NSD1: variants seen among roughly 807,000 people sequenced by gnomAD.
The protein encoded by NSD1 is histone-lysine N-methyltransferase, H3 lysine-36 specific.
A neutral mutation model predicts 242.7 loss-of-function variants in NSD1; 26 were observed. The observed-to-expected ratio is 0.11, with a 90% CI of 0.08 to 0.15. The LOEUF (loss-of-function observed/expected upper bound fraction) is 0.15, where lower values mean the gene tolerates loss of function less well. Ranked by LOEUF, NSD1 falls within the 10% of genes least tolerant of loss-of-function variation. The probability of loss-of-function intolerance (pLI) is 1.00; values close to 1 mark genes in which losing one functional copy is unlikely to be tolerated. For missense variants in NSD1, 2,495 were observed against 3,272.8 expected (o/e 0.76, Z 5.80); for synonymous variants, 1,106 against 1,178.1 (o/e 0.94, Z 1.25).
intron 2 of NSD1, among the ~76,000 whole-genome samples, chr5:177,187,674 G>T (rs80201144): frequency 0.018 from 2,773 of 152,188 alleles, 33 homozygotes; most frequent in Non-Finnish European, 0.028. Context: ...CTGACCTCAG[G>T]CTTTCCTTGG....
chr5:177,288,798 T>C, intron 20 of NSD1, 21 bp from the exon 21 acceptor site: 1 of 1,521,730 alleles, frequency 6.6e-7, no homozygotes, highest in Non-Finnish European at 9.1e-7. Flanking sequence ...GATATTAATA[T>C]TTTCACGGTC....
In NSD1 at chr5:177,188,744, C is replaced by T. The variant is rs960612839; in HGVS notation, c.928-3140C>T. Among the ~76,000 whole-genome samples, 3 of 151,946 alleles carry T rather than the reference C, an allele frequency of 2.0e-5. No homozygotes were observed. The South Asian group carries it at 6.2e-4, about 32-fold the overall frequency. Reference sequence around the variant, plus strand: ...GCCAGGCTGGCCTTGAACGCCCAGCCTCGCCTCCTTATGCACCAGGACAAC... The same window carrying T: ...GCCAGGCTGGCCTTGAACGCCCAGCTTCGCCTCCTTATGCACCAGGACAAC... On this transcript the variant is annotated intron_variant, in intron 2 of 22. Transcript: ENST00000439151.
chr5:177,146,089 A>AT (rs570638215), intron 2 of NSD1, among the ~76,000 whole-genome samples: 31 of 152,004 alleles, frequency 2.0e-4, no homozygotes, highest in Non-Finnish European at 4.4e-4. Flanking sequence ...TTAAAAAAAA[A>AT]AAAGAATACA....
intron 5 of NSD1, among the ~76,000 whole-genome samples, chr5:177,216,391 A>G (rs1763774299): frequency 6.6e-6 from 1 of 151,928 alleles, no homozygotes; most frequent in Non-Finnish European, 1.5e-5. Flanking sequence ...TGGGTCTCAT[A>G]GCCAGGAAAT....
rs577073389 is a variant in NSD1 at position 177,289,303 on chromosome 5, A to G, written c.6258+378A>G. ...ACCACTGCACTCTAGCCTGGGCAAC[A>G]CAGCAAGACTCCTTCTCAAAAAAAA... On this transcript the variant is annotated intron_variant, in intron 21 of 22. Coordinates refer to ENST00000439151, the MANE Select transcript of NSD1 (RefSeq NM_022455.5). Among the ~76,000 whole-genome samples the G allele has an allele frequency of 3.3e-5, 5 of 152,042 alleles. No individual in the cohort carries two copies. In the South Asian group the frequency reaches 8.3e-4, roughly 25 times the overall value.
intron 2 of NSD1, among the ~76,000 whole-genome samples, chr5:177,140,749 G>C (rs1222441972): frequency 1.3e-5 from 2 of 152,226 alleles, no homozygotes; most frequent in Admixed American, 6.5e-5. Context: ...ATTTCAAAGG[G>C]AGAAAATTGG....
chr5:177,247,651 T>G (rs1450162956), intron 10 of NSD1, among the ~76,000 whole-genome samples: 1 of 152,078 alleles, frequency 6.6e-6, no homozygotes, highest in Non-Finnish European at 1.5e-5. Context: ...CTACTTAATC[T>G]TAGGACAATT....
In NSD1 at chr5:177,248,203, C is replaced by T. The variant is rs144900277; in HGVS notation, c.4520C>T (p.Thr1507Met). ...AAGGGAGAACTAATGCCTCACAGGA[C>T]GGCCACAAGCCCCAAGGAGACTGTT... is the stretch of plus-strand genomic sequence containing the variant. The part of the protein sequence containing the change: ...GSEGELMPHR[T>M]ATSPKETVEE... Residue 1507 changes from threonine to methionine, a missense_variant, in exon 11 of 23, where the codon ACG becomes ATG. This residue lies in a region of NSD1 where 97 missense variants were observed against 97.7 expected (regional missense o/e 0.99). Transcript: ENST00000439151. 551 of 1,614,128 alleles carry T rather than the reference C, an allele frequency of 3.4e-4. 1 individual carries two copies. In the African/African-American group the frequency reaches 6.2e-3, roughly 18 times the overall value.
chr5:177,203,808 G>A (rs772358039), intron 3 of NSD1, among the ~76,000 whole-genome samples: 37 of 151,996 alleles, frequency 2.4e-4, no homozygotes, highest in Non-Finnish European at 4.4e-4. Context: ...TAGACTGATA[G>A]TGAAGGAAAC....
chr5:177,185,908 A>G (rs1172282378), intron 2 of NSD1, among the ~76,000 whole-genome samples: 1 of 79,984 alleles, frequency 1.3e-5, no homozygotes, highest in African/African-American at 6.1e-5. Flanking sequence ...TATTTTATAT[A>G]ATTATATATA....
intron 2 of NSD1, among the ~76,000 whole-genome samples, chr5:177,138,662 G>A (rs370982393): frequency 6.6e-6 from 1 of 150,504 alleles, no homozygotes; most frequent in Non-Finnish European, 1.5e-5. Flanking sequence ...TTTTTGAGAC[G>A]AAGTTTCACT....
intron 2 of NSD1, chr5:177,136,833 C>T: frequency 3.2e-6 from 2 of 628,460 alleles, no homozygotes; most frequent in Non-Finnish European, 5.8e-6. Flanking sequence ...TTTAACAGAA[C>T]CCTAACTAAG....
chr5:177,170,911 T>C (rs1486862180), intron 2 of NSD1, among the ~76,000 whole-genome samples: 1 of 151,930 alleles, frequency 6.6e-6, no homozygotes, highest in African/African-American at 2.4e-5. Context: ...TAGTATCATA[T>C]AATATTTATC....
At chr5:177,271,909 G>C (rs1198565948) in intron 16 of NSD1, among the ~76,000 whole-genome samples, 1 of 152,060 alleles carries the variant, frequency 6.6e-6, no homozygotes, top group African/African-American at 2.4e-5. Context: ...GCACTATGGG[G>C]TCAGGAGTTT....
chr5:177,214,148 A>G (rs1173113109), intron 5 of NSD1, among the ~76,000 whole-genome samples: 1 of 152,076 alleles, frequency 6.6e-6, no homozygotes, highest in African/African-American at 2.4e-5. Context: ...CCTGGCCAAC[A>G]TGGCAAAACC....
intron 2 of NSD1, among the ~76,000 whole-genome samples, chr5:177,143,096 C>T (rs901133327): frequency 2.6e-5 from 4 of 152,108 alleles, no homozygotes; most frequent in African/African-American, 9.7e-5. Flanking sequence ...TACAGAGGTA[C>T]AGTTTGGGAA....
At chr5:177,229,436 T>C (rs1764884010) in intron 5 of NSD1, among the ~76,000 whole-genome samples, 1 of 152,256 alleles carries the variant, frequency 6.6e-6, no homozygotes, top group Non-Finnish European at 1.5e-5. Flanking sequence ...CTACATATCC[T>C]GTATTAAGGT....
At chr5:177,147,724 G>A (rs1757371140) in intron 2 of NSD1, among the ~76,000 whole-genome samples, 1 of 151,716 alleles carries the variant, frequency 6.6e-6, no homozygotes, top group Admixed American at 6.6e-5. Flanking sequence ...TGAGCAGTTG[G>A]GATTATAGGC....
chr5:177,265,513 C>T (rs757075276), intron 14 of NSD1: 23 of 709,406 alleles, frequency 3.2e-5, no homozygotes, highest in Non-Finnish European at 5.1e-5. Context: ...GGGGGAGCCC[C>T]ACAACCGTCT....
Sources: allele counts gnomAD v4.1 joint callset (sites outside exome capture counted in the v4.1 genomes callset), GRCh38; gene constraint gnomAD v4.1.1; regional missense constraint gnomAD v4.1.1; transcripts MANE v1.5; gene names NCBI Gene and HGNC (gene_info 2026-07-23, HGNC 2026-07-21).